The following ARHGEF28 variants were observed in gnomAD, a reference collection of about 807,000 sequenced individuals.
ARHGEF28 encodes the protein Rho guanine nucleotide exchange factor 28.
ARHGEF28 carries 152 observed loss-of-function variants against 206.6 expected under a neutral mutation model. That is an observed-to-expected ratio of 0.74 (90% CI 0.64 to 0.84). ARHGEF28 has a LOEUF of 0.84. ARHGEF28 is among the 40% of genes least tolerant of loss of function. The pLI, the probability that ARHGEF28 is intolerant of heterozygous loss-of-function variation, is 0.00. For synonymous variants in ARHGEF28, 763 were observed against 776.4 expected, an observed-to-expected ratio of 0.98 and a Z score of 0.29; for missense variants, 2,028 against 2,073.2, an observed-to-expected ratio of 0.98 and a Z score of 0.42.
chr5:73,628,600 C>T (rs78898706), intron 1 of ARHGEF28, among the ~76,000 whole-genome samples: 3,224 of 152,162 alleles, frequency 0.021, 107 homozygotes, highest in African/African-American at 0.073. Context: ...CTGGGATCCC[C>T]CCACCGGCCC....
intron 2 of ARHGEF28, among the ~76,000 whole-genome samples, chr5:73,745,902 T>A (rs1463404217): frequency 6.6e-6 from 1 of 152,066 alleles, no homozygotes; most frequent in African/African-American, 2.4e-5. Flanking sequence ...CAAATTGAGA[T>A]TTGGTTTGGC....
At chr5:73,806,102 G>A (rs942417698) in intron 9 of ARHGEF28, among the ~76,000 whole-genome samples, 5 of 150,468 alleles carry the variant, frequency 3.3e-5, no homozygotes, top group Non-Finnish European at 7.4e-5. Context: ...TATTTACATA[G>A]TTAACTATAG....
intron 2 of ARHGEF28, among the ~76,000 whole-genome samples, chr5:73,726,483 T>C (rs1449112207): frequency 6.6e-6 from 1 of 152,238 alleles, no homozygotes; most frequent in Non-Finnish European, 1.5e-5. Context: ...TAAAATATGC[T>C]ATCCAGCTAA....
At chr5:73,634,917 T>A (rs368924848) in intron 1 of ARHGEF28, among the ~76,000 whole-genome samples, 48 of 152,330 alleles carry the variant, frequency 3.2e-4, no homozygotes, top group African/African-American at 1.0e-3. Flanking sequence ...ATAGTTGAAA[T>A]AAAAATTTTA....
chr5:73,723,814 A>G (rs1301123955), intron 2 of ARHGEF28, among the ~76,000 whole-genome samples: 4 of 152,216 alleles, frequency 2.6e-5, no homozygotes, highest in South Asian at 2.1e-4. Flanking sequence ...CCTTGTGACT[A>G]TTTATCCATG....
intron 4 of ARHGEF28, among the ~76,000 whole-genome samples, chr5:73,757,885 T>A (rs1160384220): frequency 6.6e-6 from 1 of 152,236 alleles, no homozygotes; most frequent in Non-Finnish European, 1.5e-5. Flanking sequence ...TTTTTTGTTT[T>A]GGGTTTCTTG....
chr5:73,828,881 C>T (rs553858440), intron 9 of ARHGEF28, among the ~76,000 whole-genome samples: 11 of 151,998 alleles, frequency 7.2e-5, no homozygotes, highest in East Asian at 1.9e-4. Flanking sequence ...AGTGTAGTGG[C>T]GCTATCACAG....
At chr5:73,857,231 A>G (rs563650273) in intron 14 of ARHGEF28, among the ~76,000 whole-genome samples, 2 of 152,254 alleles carry the variant, frequency 1.3e-5, no homozygotes, top group Admixed American at 1.3e-4. Context: ...ATCCAGTTGC[A>G]TATTGTTGGT....
chr5:73,701,580 A>G (rs1274918651), intron 2 of ARHGEF28, among the ~76,000 whole-genome samples: 1 of 152,182 alleles, frequency 6.6e-6, no homozygotes, highest in Non-Finnish European at 1.5e-5. Context: ...ATGAGTAGAT[A>G]AACTATGGGA....
intron 17 of ARHGEF28, among the ~76,000 whole-genome samples, chr5:73,865,410 G>C (rs901946436): frequency 2.0e-5 from 3 of 152,202 alleles, no homozygotes; most frequent in African/African-American, 7.2e-5. Context: ...GAAGGTGTCT[G>C]TGATTCTATT....
intron 4 of ARHGEF28, among the ~76,000 whole-genome samples, chr5:73,772,047 T>A (rs1049234405): frequency 2.0e-5 from 3 of 152,226 alleles, no homozygotes; most frequent in African/African-American, 4.8e-5. Context: ...GATGAGTTCA[T>A]TTACATATTT....
At chr5:73,792,642 CTT>C (rs397943639) in intron 7 of ARHGEF28, among the ~76,000 whole-genome samples, 15 of 122,046 alleles carry the variant, frequency 1.2e-4, no homozygotes, top group Non-Finnish European at 1.2e-4. Flanking sequence ...TCCTTCCCTT[CTT>C]TTTTTTTTTT....
intron 11 of ARHGEF28, among the ~76,000 whole-genome samples, chr5:73,841,280 C>T (rs140646053): frequency 0.011 from 1,663 of 152,154 alleles, 15 homozygotes; most frequent in Admixed American, 0.021. Context: ...CATCTGCATG[C>T]ATAATAACAT....
At chr5:73,685,752 A>T (rs79656244) in intron 2 of ARHGEF28, among the ~76,000 whole-genome samples, 37,466 of 151,952 alleles carry the variant, frequency 0.25, 4,952 homozygotes, top group African/African-American at 0.32. Flanking sequence ...CCTCCCAAGT[A>T]GCTGGGATTA....
intron 2 of ARHGEF28, among the ~76,000 whole-genome samples, chr5:73,746,368 G>A (rs1156279566): frequency 6.6e-6 from 1 of 152,058 alleles, no homozygotes; most frequent in Non-Finnish European, 1.5e-5. Context: ...TTGTAACAAT[G>A]TAGAAAAATA....
chr5:73,753,944 C>T (rs1035781275), intron 4 of ARHGEF28, among the ~76,000 whole-genome samples: 4 of 152,208 alleles, frequency 2.6e-5, no homozygotes, highest in African/African-American at 7.2e-5. Flanking sequence ...GCTGGGATTA[C>T]AGGCATGAGC....
Position 73,681,814 on chromosome 5 carries a change from C to CA in ARHGEF28, c.-11-3016dup, listed in dbSNP as rs879719978. ...TGGGCAACAGAGCGAAACTCTGTCT[C>CA]AAAAAAAAAAATTGATGATTATTTT... On this transcript the variant is annotated intron_variant, in intron 1 of 35. Coordinates refer to ENST00000513042, the MANE Select transcript of ARHGEF28 (RefSeq NM_001177693.2). Among the ~76,000 whole-genome samples, 798 of 145,200 alleles carry CA rather than the reference C, an allele frequency of 5.5e-3. 4 individuals carry two copies. The highest frequency in any genetic ancestry group is 0.015 in the African/African-American group (613 of 39,652).
At chr5:73,849,177 G>C in intron 13 of ARHGEF28, 90 bp downstream of exon 13, 1 of 936,686 alleles carries the variant, frequency 1.1e-6, no homozygotes, top group Non-Finnish European at 1.6e-6. Flanking sequence ...TTCAAGAACA[G>C]CAGACAAGAA....
At chr5:73,869,422 T>C (rs2112636171) in intron 20 of ARHGEF28, among the ~76,000 whole-genome samples, 1 of 152,256 alleles carries the variant, frequency 6.6e-6, no homozygotes, top group Admixed American at 6.5e-5. Context: ...ATTGGTGTGT[T>C]CCAGATTCTG....
Sources: allele counts gnomAD v4.1 joint callset (sites outside exome capture counted in the v4.1 genomes callset), GRCh38; gene constraint gnomAD v4.1.1; transcripts MANE v1.5; gene names NCBI Gene and HGNC (gene_info 2026-07-23, HGNC 2026-07-21).